MRC1: variants seen among roughly 807,000 people sequenced by gnomAD.
MRC1 encodes the protein mannose receptor C-type 1, also known as macrophage mannose receptor 1.
A neutral mutation model predicts 102.9 loss-of-function variants in MRC1; 62 were observed. That is an observed-to-expected ratio of 0.60 (90% confidence interval 0.49 to 0.74). MRC1 has a LOEUF of 0.74. MRC1 is among the 30% of genes least tolerant of loss of function. The pLI is 0.00. For missense variants in MRC1, 1,237 were observed against 862.8 expected, an observed-to-expected ratio of 1.43 and a Z score of -5.43; for synonymous variants, 457 against 298.4, an observed-to-expected ratio of 1.53 and a Z score of -5.48.
intron 13 of MRC1, 119 bp downstream of exon 13, chr10:17,870,492 A>G: frequency 2.6e-6 from 2 of 755,702 alleles, no homozygotes; most frequent in East Asian, 2.4e-5. Flanking sequence ...CACCTGTATC[A>G]TCTCCCAAAT....
chr10:17,859,978 C>G (rs916829217), intron 9 of MRC1, among the ~76,000 whole-genome samples: 2 of 152,110 alleles, frequency 1.3e-5, no homozygotes. Context: ...TCTCCTTTAA[C>G]CAAGGGGTTA....
intron 8 of MRC1, among the ~76,000 whole-genome samples, chr10:17,854,286 C>T (rs1171401836): frequency 3.3e-5 from 5 of 152,140 alleles, no homozygotes; most frequent in Admixed American, 2.0e-4. Flanking sequence ...ATGTGTGGTA[C>T]ACAGTTCCCA....
intron 17 of MRC1, among the ~76,000 whole-genome samples, chr10:17,877,129 A>G (rs1833447679): frequency 6.7e-6 from 1 of 149,340 alleles, no homozygotes; most frequent in Non-Finnish European, 1.5e-5. Flanking sequence ...GAAATGGTAC[A>G]TTATAATGAA....
At chr10:17,900,094 T>C (rs1284178812) in intron 24 of MRC1, among the ~76,000 whole-genome samples, 2 of 109,956 alleles carry the variant, frequency 1.8e-5, no homozygotes, top group South Asian at 7.0e-4. Flanking sequence ...GCGAGACTTC[T>C]CTCAAAAAAA....
At chr10:17,816,905 G>A (rs1838320737) in intron 1 of MRC1, among the ~76,000 whole-genome samples, 1 of 152,072 alleles carries the variant, frequency 6.6e-6, no homozygotes, top group South Asian at 2.1e-4. Context: ...TAGTAGGCTT[G>A]GGAATTTAAT....
At chr10:17,907,763 T>A (rs918976426) in intron 28 of MRC1, 65 bp downstream of exon 28, 8 of 775,958 alleles carry the variant, frequency 1.0e-5, no homozygotes, top group African/African-American at 1.7e-5. Flanking sequence ...TAGTAAGATA[T>A]CAGGTATGGA....
At chr10:17,867,024 C>T (rs910277355) in intron 12 of MRC1, among the ~76,000 whole-genome samples, 1 of 151,934 alleles carries the variant, frequency 6.6e-6, no homozygotes, top group African/African-American at 2.4e-5. Context: ...CTATCACCTC[C>T]TCTCTGCTTC....
chr10:17,823,497 C>T, intron 2 of MRC1, 22 bp downstream of exon 2: 2 of 780,170 alleles, frequency 2.6e-6, no homozygotes, highest in Non-Finnish European at 2.4e-6. Flanking sequence ...GGAATTTTCA[C>T]CTTCGTGTTG....
At chr10:17,897,142 A>T (rs1038993826) in intron 23 of MRC1, among the ~76,000 whole-genome samples, 30 of 152,200 alleles carry the variant, frequency 2.0e-4, no homozygotes, top group African/African-American at 7.2e-4. Context: ...ATTCTTCTCT[A>T]TCCCCAACCA....
chr10:17,886,612 G>T (rs1410201657), intron 22 of MRC1, among the ~76,000 whole-genome samples: 1 of 152,124 alleles, frequency 6.6e-6, no homozygotes, highest in Non-Finnish European at 1.5e-5. Context: ...ATATTGGCCA[G>T]GGTGGCCTCC....
At chr10:17,812,772 C>T (rs1036850160) in intron 1 of MRC1, among the ~76,000 whole-genome samples, 27 of 151,980 alleles carry the variant, frequency 1.8e-4, no homozygotes, top group African/African-American at 4.8e-5. Context: ...GGGGTTTCAC[C>T]ATGTTGGCCA....
intron 15 of MRC1, among the ~76,000 whole-genome samples, chr10:17,873,497 T>C (rs1833383382): frequency 9.2e-6 from 1 of 108,912 alleles, no homozygotes; most frequent in Non-Finnish European, 2.5e-5. Context: ...CTCATGATCT[T>C]TTTTTTTTTC....
In MRC1 at chr10:17,885,370, G is replaced by T; in HGVS notation, c.3082G>T (p.Val1028Phe). 1.3e-6 allele frequency: 1 copy of T among 780,860 alleles called. No homozygotes were observed. Among genetic ancestry groups the T allele is most frequent in the Non-Finnish European group, 2.4e-6 (1 of 417,958 alleles). The allele number at this position is 780,860 out of a possible 1,614,324, so 48.4% of individuals were successfully genotyped here. ...HTFLWTDGRG[V>F]HYTNWGKGYP... Reference sequence around the variant, plus strand: ...GTTCCTTTGGACGGATGGACGAGGAGTCCATTACACAAACTGGGGGAAAGG... The same window carrying T: ...GTTCCTTTGGACGGATGGACGAGGATTCCATTACACAAACTGGGGGAAAGG... Residue 1028 changes from valine to phenylalanine, a missense_variant, in exon 22 of 30, where the codon GTC (valine) becomes TTC (phenylalanine). Transcript: ENST00000569591.
chr10:17,849,303 T>TAA lies in MRC1; in HGVS notation c.1064-261_1064-260dup, dbSNP rs71393044. Reference sequence around the variant, plus strand: ...GGGAATAGAGGGAGACCTTGTCTCTTAAAAAAAAAAAAAAAAGAAAGAAAG... The same window carrying TAA: ...GGGAATAGAGGGAGACCTTGTCTCTTAAAAAAAAAAAAAAAAAAGAAAGAAAG... On this transcript the variant is annotated intron_variant, in intron 6 of 29. Coordinates refer to ENST00000569591, the MANE Select transcript of MRC1 (RefSeq NM_002438.4). Among the ~76,000 whole-genome samples, 1,268 of 135,230 alleles carry TAA rather than the reference T, an allele frequency of 9.4e-3. 10 individuals carry two copies. The highest frequency in any genetic ancestry group is 0.021 in the East Asian group (96 of 4,600). The allele number at this position is 135,230 out of a possible 152,430, so 88.7% of individuals were successfully genotyped here. A position where few individuals can be genotyped will look rare whatever the true frequency, so the allele number is the denominator to read the frequency against.
chr10:17,855,663 C>T (rs1400703904), intron 8 of MRC1, among the ~76,000 whole-genome samples: 1 of 151,578 alleles, frequency 6.6e-6, no homozygotes, highest in Non-Finnish European at 1.5e-5. Context: ...TTAATTTCTC[C>T]CTGGATTCCT....
rs1312809427 is a variant in MRC1 at position 17,901,832 on chromosome 10, A to C, written c.3650-141A>C. The C allele has an allele frequency of 8.1e-6, 6 of 737,620 alleles. No homozygotes were observed. In the African/African-American group the frequency reaches 8.7e-5, roughly 11 times the overall value. 45.7% of individuals were successfully genotyped at this position (737,620 alleles called of 1,614,324 possible). On this transcript the variant is annotated intron_variant, in intron 25 of 29. Transcript: ENST00000569591. Reference sequence around the variant, plus strand: ...TTGATAAAAGGAAACCCAATAATAAATATGGTGATCCAAATGATAACCATT... The same window carrying C: ...TTGATAAAAGGAAACCCAATAATAACTATGGTGATCCAAATGATAACCATT...
intron 7 of MRC1, among the ~76,000 whole-genome samples, chr10:17,851,484 G>A (rs2130645009): frequency 6.6e-6 from 1 of 152,058 alleles, no homozygotes; most frequent in East Asian, 1.9e-4. Flanking sequence ...TTATACCAAT[G>A]AATACAACTT....
In MRC1 at chr10:17,907,630, C is replaced by T. The variant is rs1243884918; in HGVS notation, c.4010C>T (p.Ala1337Val). Residue 1337 changes from alanine (A) to valine (V), a missense_variant, in exon 28 of 30, where the codon GCG becomes GTG. Transcript: ENST00000569591. The stretch of plus-strand genomic sequence containing the variant: ...CGGAATGATTGTGTAGCTTTACATG[C>T]GTCTTCTGGGTTTTGGAGTAATATT... ...GERNDCVALH[A>V]SSGFWSNIHC... The T allele has an allele frequency of 1.8e-5, 14 of 780,734 alleles. No homozygotes were observed. Among genetic ancestry groups the T allele is most frequent in the South Asian group, 5.4e-5 (4 of 74,616 alleles). The allele number at this position is 780,734 out of a possible 1,614,324, so 48.4% of individuals were successfully genotyped here. A position where few individuals can be genotyped will look rare whatever the true frequency, so the allele number is the denominator to read the frequency against.
chr10:17,887,588 G>A (rs369376047), intron 22 of MRC1, among the ~76,000 whole-genome samples: 123,096 of 152,086 alleles, frequency 0.81, 50,161 homozygotes, highest in Non-Finnish European at 0.86. Context: ...AATCAAAAAC[G>A]TTCATTATTG....
Sources: gnomAD v4.1 joint callset for allele counts (sites outside exome capture counted in the v4.1 genomes callset) on GRCh38, gnomAD v4.1.1 for gene constraint, MANE v1.5 for transcripts, NCBI Gene and HGNC (gene_info 2026-07-23, HGNC 2026-07-21) for gene names.